Variants in MADD observed in about 807,000 individuals in gnomAD.
The protein encoded by MADD is MAP kinase activating death domain, also known as MAP kinase-activating death domain protein.
In MADD, 109 loss-of-function variants were observed where a neutral mutation model predicts 176.7. The ratio of observed to expected loss-of-function variants is 0.62; its 90% CI spans 0.53 to 0.72. The LOEUF is 0.72. MADD is among the 30% of genes least tolerant of loss of function. The pLI is 0.00. For missense variants in MADD, 1,914 were observed against 2,045.5 expected (o/e 0.94, Z 1.24); for synonymous variants, 771 against 771.3 (o/e 1.00, Z 0.01).
At chr11:47,270,233 C>G (rs954355552) in exon 1 of MADD, 1 of 150,232 alleles carries the variant, frequency 6.7e-6, no homozygotes, top group African/African-American at 2.5e-5. Context: ...GGCCAGTCCC[C>G]CAGAGCTTGG....
chr11:47,270,377 G>A (rs1959200148), intron 1 of MADD, 131 bp downstream of exon 1: 2 of 151,718 alleles, frequency 1.3e-5, no homozygotes, highest in African/African-American at 4.8e-5. Flanking sequence ...GTGTGAAGGG[G>A]CGTGGGGACG....
chr11:47,313,477 G>C (rs933314384), intron 26 of MADD, among the ~76,000 whole-genome samples: 1 of 132,608 alleles, frequency 7.5e-6, no homozygotes, highest in East Asian at 2.9e-4. Flanking sequence ...GCCACACCTG[G>C]CTAGTTTTTT....
intron 20 of MADD, 147 bp from the exon 23 acceptor site, chr11:47,295,349 A>G: frequency 1.6e-6 from 1 of 628,818 alleles, no homozygotes; most frequent in South Asian, 2.0e-5. Context: ...TACATATTTT[A>G]TATTCTGGAA....
rs2095792024 is a variant in MADD at position 47,329,035 on chromosome 11, C to T, written c.4660-11C>T. ...TCAGTATCGTGATCCGCCTGGTTTT[C>T]TCTCCTCTAGGCCCACGAAATCTGC... On this transcript the variant is annotated splice_polypyrimidine_tract_variant and intron_variant, in intron 32 of 32. Transcript: ENST00000402192. The T allele has an allele frequency of 1.2e-6, 2 of 1,605,990 alleles. No individual in the cohort carries two copies. The highest frequency in any genetic ancestry group is 1.7e-6 in the Non-Finnish European group (2 of 1,172,564).
In MADD at chr11:47,308,950, C is replaced by A. The variant is rs763160015; in HGVS notation, c.3751+251C>A. 4.4e-6 allele frequency: 7 copies of A among 1,600,628 alleles called. No homozygotes were observed. In the African/African-American group the frequency reaches 8.0e-5, roughly 18 times the overall value. ...TCTTCCTTTCTTTCCTTTCTTGCTA[C>A]CATGGTCCTTCCTGCTCTCAAATTG... is the stretch of plus-strand genomic sequence containing the variant. On this transcript the variant is annotated intron_variant, in intron 23 of 32. Transcript: ENST00000402192.
chr11:47,321,135 G>A (rs2094408621), intron 27 of MADD, among the ~76,000 whole-genome samples: 1 of 152,162 alleles, frequency 6.6e-6, no homozygotes, highest in African/African-American at 2.4e-5. Context: ...GACTATAACA[G>A]TATATTACAA....
At chr11:47,316,733 C>G (rs1168796743) in intron 27 of MADD, among the ~76,000 whole-genome samples, 1 of 151,744 alleles carries the variant, frequency 6.6e-6, no homozygotes, top group Non-Finnish European at 1.5e-5. Context: ...AACACAAATT[C>G]TTATTTTCCT....
At chr11:47,277,897 C>A (rs1412993990) in intron 5 of MADD, among the ~76,000 whole-genome samples, 1 of 152,112 alleles carries the variant, frequency 6.6e-6, no homozygotes, top group African/African-American at 2.4e-5. Flanking sequence ...TGGAATTTTC[C>A]TTTTAATATT....
At chr11:47,276,561 T>C (rs1264023443) in intron 4 of MADD, 171 bp from the exon 5 acceptor site, 3 of 711,346 alleles carry the variant, frequency 4.2e-6, no homozygotes, top group South Asian at 1.8e-5. Flanking sequence ...AGGATCACCA[T>C]TGTGCCTGGA....
chr11:47,295,851 G>A, intron 21 of MADD, 46 bp from the exon 24 acceptor site: 1 of 1,569,782 alleles, frequency 6.4e-7, no homozygotes, highest in Middle Eastern at 1.8e-4. Context: ...GTATTTCTGG[G>A]GCCCATCCCT....
intron 22 of MADD, among the ~76,000 whole-genome samples, chr11:47,302,941 TGTATTTTCATGATA>T (rs1194170869): frequency 6.6e-6 from 1 of 152,212 alleles, no homozygotes; most frequent in East Asian, 1.9e-4. Flanking sequence ...CATACTTTTG[TGTATTTTCATGATA>T]GTAATTATCA....
At chr11:47,324,012 C>T in intron 28 of MADD, 177 bp downstream of exon 31, 1 of 695,002 alleles carries the variant, frequency 1.4e-6, no homozygotes, top group South Asian at 1.9e-5. Context: ...ATAGTAGTCA[C>T]AATCGGTATT....
In MADD at chr11:47,325,026, C is replaced by A; in HGVS notation, c.4542+449C>A. 1 of 514,802 alleles carries A rather than the reference C, an allele frequency of 1.9e-6. No individual in the cohort carries two copies. Among genetic ancestry groups the A allele is most frequent in the Non-Finnish European group, 3.5e-6 (1 of 286,562 alleles). The allele number at this position is 514,802 out of a possible 1,614,324, so 31.9% of individuals were successfully genotyped here. ...GTGTGCGTGCGTGCGTGCCTGCGTGCTTGTGTGTAAGTAGCTTGTATCTGT... is the reference window on the plus strand; with the variant it reads ...GTGTGCGTGCGTGCGTGCCTGCGTGATTGTGTGTAAGTAGCTTGTATCTGT... On this transcript the variant is annotated intron_variant, in intron 30 of 32. Transcript: ENST00000402192. The surrounding 1 kb of genome is among the most constrained non-coding windows in gnomAD (Gnocchi z 4.5).
At chr11:47,329,053 A>C in exon 33 of MADD, 1 of 1,613,962 alleles carries the variant, frequency 6.2e-7, no homozygotes. Context: ...TAGGCCCACG[A>C]AATCTGCTAC....
chr11:47,298,389 A>T (rs529643488), intron 22 of MADD, among the ~76,000 whole-genome samples: 1 of 152,346 alleles, frequency 6.6e-6, no homozygotes, highest in South Asian at 2.1e-4. Flanking sequence ...CATAAATGGA[A>T]GCGGCAGTGA....
At chr11:47,271,500 T>TCAC (rs1963613229) in intron 1 of MADD, among the ~76,000 whole-genome samples, 1 of 152,160 alleles carries the variant, frequency 6.6e-6, no homozygotes, top group African/African-American at 2.4e-5. Flanking sequence ...TTGAGTTTCG[T>TCAC]CAGATAGTTG....
intron 27 of MADD, among the ~76,000 whole-genome samples, chr11:47,322,841 T>G (rs891522518): frequency 3.9e-5 from 6 of 152,196 alleles, no homozygotes; most frequent in African/African-American, 1.2e-4. Context: ...TCTGTCATGA[T>G]CTCCTACCTT....
At chr11:47,288,890 C>A in intron 15 of MADD, 78 bp from the exon 16 acceptor site, 1 of 1,038,220 alleles carries the variant, frequency 9.6e-7, no homozygotes, top group Non-Finnish European at 1.4e-6. Flanking sequence ...CTCAGATTAT[C>A]TGGCTTACTG....
At chr11:47,286,995 G>A (rs375801549) in intron 15 of MADD, among the ~76,000 whole-genome samples, 3 of 152,266 alleles carry the variant, frequency 2.0e-5, no homozygotes, top group South Asian at 2.1e-4. Context: ...TAATGAGTGC[G>A]CCAGGTAGTA....
Sources: allele counts gnomAD v4.1 joint callset (sites outside exome capture counted in the v4.1 genomes callset), GRCh38; gene constraint gnomAD v4.1.1; non-coding constraint Gnocchi (gnomAD v3.1); transcripts MANE v1.5; gene names NCBI Gene and HGNC (gene_info 2026-07-23, HGNC 2026-07-21).